The following YWHAE variants were observed in gnomAD, a reference collection of about 807,000 sequenced individuals.
YWHAE encodes 14-3-3 protein epsilon.
A neutral mutation model predicts 30.1 loss-of-function variants in YWHAE; 4 were observed. That is an observed-to-expected ratio of 0.13 (90% CI 0.07 to 0.30). YWHAE has a LOEUF of 0.30. Among genes scored for constraint, YWHAE ranks in the 10% least tolerant of loss-of-function variants. YWHAE has a pLI of 1.00. For synonymous variants in YWHAE, 118 were observed against 111.8 expected, an observed-to-expected ratio of 1.06 and a Z score of -0.35; for missense variants, 121 against 315.9, an observed-to-expected ratio of 0.38 and a Z score of 4.68.
chr17:1,367,371 G>A (rs1293988905), intron 1 of YWHAE, among the ~76,000 whole-genome samples: 1 of 152,170 alleles, frequency 6.6e-6, no homozygotes, highest in Non-Finnish European at 1.5e-5. Context: ...GGGAGGCCAA[G>A]ACAGGAGGAT....
chr17:1,360,157 T>G (rs1383230294), intron 4 of YWHAE, among the ~76,000 whole-genome samples: 2 of 152,104 alleles, frequency 1.3e-5, no homozygotes, highest in Non-Finnish European at 2.9e-5. Context: ...AGACAGAGTT[T>G]CACCATGTTG....
intron 1 of YWHAE, among the ~76,000 whole-genome samples, chr17:1,370,411 G>C (rs547262964): frequency 2.4e-4 from 36 of 151,942 alleles, no homozygotes; most frequent in Non-Finnish European, 3.8e-4. Flanking sequence ...GATTACAGGC[G>C]TGAGCCACCG....
chr17:1,381,257 G>A (rs371351240), intron 1 of YWHAE, among the ~76,000 whole-genome samples: 9 of 152,088 alleles, frequency 5.9e-5, no homozygotes, highest in Admixed American at 4.6e-4. Context: ...GATTACGCCT[G>A]TAATCCCAGC....
At chr17:1,352,452 G>A (rs71357190) in intron 5 of YWHAE, among the ~76,000 whole-genome samples, 6,694 of 151,696 alleles carry the variant, frequency 0.044, 158 homozygotes, top group East Asian at 0.052. Context: ...CAGCAGGTCC[G>A]TTTCCCCAAA....
At chr17:1,356,146 G>A (rs1263621610) in intron 4 of YWHAE, among the ~76,000 whole-genome samples, 6 of 151,268 alleles carry the variant, frequency 4.0e-5, no homozygotes, top group Non-Finnish European at 7.4e-5. Context: ...TCCAGCCTGG[G>A]CAACAGAGCA....
chr17:1,380,111 C>CT (rs34413137), intron 1 of YWHAE, among the ~76,000 whole-genome samples: 1,240 of 121,856 alleles, frequency 0.01, 7 homozygotes, highest in South Asian at 0.018. Flanking sequence ...GAAGACTAGA[C>CT]TTTTTTTTTT....
intron 1 of YWHAE, among the ~76,000 whole-genome samples, chr17:1,388,109 T>TG (rs2073331183): frequency 1.1e-4 from 5 of 46,802 alleles, no homozygotes; most frequent in Non-Finnish European, 1.4e-4. Flanking sequence ...TTGTTTTTTT[T>TG]TTTGGTTGGT....
At chr17:1,385,003 TG>T (rs2073278514) in intron 1 of YWHAE, among the ~76,000 whole-genome samples, 1 of 151,946 alleles carries the variant, frequency 6.6e-6, no homozygotes, top group Non-Finnish European at 1.5e-5. Context: ...GTTTCAGGTT[TG>T]TTTTTTCTTT....
At chr17:1,356,734 G>A (rs180908190) in intron 4 of YWHAE, among the ~76,000 whole-genome samples, 79 of 145,450 alleles carry the variant, frequency 5.4e-4, no homozygotes, top group Non-Finnish European at 2.6e-4. Context: ...TGAGGCAGGT[G>A]GATCACCTGA....
At chr17:1,397,279 C>T (rs1000029832) in intron 1 of YWHAE, among the ~76,000 whole-genome samples, 1 of 152,090 alleles carries the variant, frequency 6.6e-6, no homozygotes, top group Admixed American at 6.6e-5. Flanking sequence ...AATGGACTTG[C>T]TTAATATGGT....
intron 5 of YWHAE, among the ~76,000 whole-genome samples, chr17:1,349,617 AT>A (rs201047199): frequency 0.41 from 61,034 of 147,446 alleles, 12,489 homozygotes; most frequent in Admixed American, 0.56. Flanking sequence ...ATTTCACTAG[AT>A]TTTTTTTTTT....
At chr17:1,386,707 T>C (rs61192303) in intron 1 of YWHAE, among the ~76,000 whole-genome samples, 11,491 of 152,248 alleles carry the variant, frequency 0.075, 497 homozygotes, top group African/African-American at 0.11. Flanking sequence ...CCCAGCTCTC[T>C]GGGAGGCCAA....
At chr17:1,364,764 G>T in intron 2 of YWHAE, 95 bp downstream of exon 2, 1 of 1,356,928 alleles carries the variant, frequency 7.4e-7, no homozygotes, top group Non-Finnish European at 1.0e-6. Context: ...CAAGTTATAT[G>T]AATGTAGTCT....
chr17:1,359,737 G>C (rs1403938539), intron 4 of YWHAE, among the ~76,000 whole-genome samples: 1 of 151,542 alleles, frequency 6.6e-6, no homozygotes, highest in Non-Finnish European at 1.5e-5. Context: ...AATTCGCTTT[G>C]TGTGGGGTGA....
intron 2 of YWHAE, among the ~76,000 whole-genome samples, chr17:1,363,759 T>C (rs182266033): frequency 3.1e-4 from 47 of 152,304 alleles, no homozygotes; most frequent in African/African-American, 1.1e-3. Context: ...AGTCAGTAAC[T>C]GTGGTTCCCC....
At chr17:1,351,262 A>G (rs2072190396) in intron 5 of YWHAE, among the ~76,000 whole-genome samples, 1 of 151,394 alleles carries the variant, frequency 6.6e-6, no homozygotes, top group African/African-American at 2.4e-5. Flanking sequence ...ACTAGGGAGG[A>G]TAAGGCAGGA....
At chr17:1,349,941 C>T (rs184098057) in intron 5 of YWHAE, among the ~76,000 whole-genome samples, 167 of 137,232 alleles carry the variant, frequency 1.2e-3, no homozygotes, top group African/African-American at 4.4e-3. Flanking sequence ...TTAAAAACTG[C>T]GAAAGTATTA....
intron 4 of YWHAE, among the ~76,000 whole-genome samples, chr17:1,356,337 C>T (rs2072742516): frequency 6.6e-6 from 1 of 152,064 alleles, no homozygotes. Flanking sequence ...CCAATGCACT[C>T]CAGCCTGGGC....
chr17:1,354,074 C>A, intron 5 of YWHAE, 137 bp downstream of exon 5: 2 of 1,106,326 alleles, frequency 1.8e-6, no homozygotes, highest in South Asian at 3.5e-5. Flanking sequence ...ATAAAGGCAG[C>A]AATTACAATT....
Sources: gnomAD v4.1 joint callset for allele counts (sites outside exome capture counted in the v4.1 genomes callset) on GRCh38, gnomAD v4.1.1 for gene constraint, MANE v1.5 for transcripts, NCBI Gene and HGNC (gene_info 2026-07-23, HGNC 2026-07-21) for gene names.